The following CATSPERB variants were observed in gnomAD, a reference collection of about 807,000 sequenced individuals.
CATSPERB encodes cation channel sperm-associated auxiliary subunit beta.
A neutral mutation model predicts 128.3 loss-of-function variants in CATSPERB; 93 were observed. That is an observed-to-expected ratio of 0.72 (90% CI 0.61 to 0.86). CATSPERB has a LOEUF of 0.86. Among genes scored for constraint, CATSPERB ranks in the 40% least tolerant of loss-of-function variants. CATSPERB has a pLI of 0.00. For missense variants in CATSPERB, 1,153 were observed against 1,329.5 expected, an observed-to-expected ratio of 0.87 and a Z score of 2.06; for synonymous variants, 381 against 448.8, an observed-to-expected ratio of 0.85 and a Z score of 1.91.
intron 19 of CATSPERB, among the ~76,000 whole-genome samples, chr14:91,619,553 TAAA>T (rs766083266): frequency 0.037 from 5,527 of 149,318 alleles, 204 homozygotes; most frequent in Admixed American, 0.13. Context: ...GCCTTTTTTT[TAAA>T]AAAAAAATAG....
chr14:91,638,372 G>A (rs1894417474), intron 16 of CATSPERB, among the ~76,000 whole-genome samples: 1 of 150,150 alleles, frequency 6.7e-6, no homozygotes, highest in East Asian at 2.0e-4. Context: ...TAATAGGAAA[G>A]AAGAAAGGTA....
rs531074301 is a variant in CATSPERB at position 91,603,310 on chromosome 14, C to A, written c.2709+4984G>T. ...GTCTTCAGTGGCACTGGTTTATAAT[C>A]TGTATCAGGAAATAGTGGGGGTGGT... On this transcript the variant is annotated intron_variant, in intron 22 of 26. Transcript: ENST00000256343. 1.8e-5 allele frequency: 27 copies of A among 1,528,434 alleles called. No homozygotes were observed. In the South Asian group the frequency reaches 2.9e-4, roughly 17 times the overall value. 94.7% of individuals were successfully genotyped at this position (1,528,434 alleles called of 1,614,324 possible).
chr14:91,657,539 A>C (rs1476856139), intron 15 of CATSPERB, among the ~76,000 whole-genome samples: 3 of 152,184 alleles, frequency 2.0e-5, no homozygotes, highest in Admixed American at 6.5e-5. Context: ...CAAGTTAGAG[A>C]GCTTCTGCAC....
At chr14:91,609,874 C>A (rs1893790353) in intron 21 of CATSPERB, among the ~76,000 whole-genome samples, 1 of 152,142 alleles carries the variant, frequency 6.6e-6, no homozygotes, top group African/African-American at 2.4e-5. Context: ...GCGCGTGCCA[C>A]CGTGCCGGGC....
chr14:91,660,254 T>C (rs1894854035), intron 14 of CATSPERB, among the ~76,000 whole-genome samples: 1 of 152,228 alleles, frequency 6.6e-6, no homozygotes, highest in African/African-American at 2.4e-5. Context: ...ATAGTGATTG[T>C]ATAAAATAAC....
At chr14:91,718,156 T>C (rs1533080) in intron 5 of CATSPERB, among the ~76,000 whole-genome samples, 96,350 of 152,008 alleles carry the variant, frequency 0.63, 30,916 homozygotes, top group Non-Finnish European at 0.67. Flanking sequence ...TAACACTCCA[T>C]CATTATATTA....
chr14:91,596,240 G>A (rs1346733452), intron 22 of CATSPERB, among the ~76,000 whole-genome samples: 1 of 151,892 alleles, frequency 6.6e-6, no homozygotes, highest in Non-Finnish European at 1.5e-5. Flanking sequence ...GTCTTACTCT[G>A]TCACCCAGGC....
At chr14:91,680,391 A>T (rs1276398253) in intron 11 of CATSPERB, among the ~76,000 whole-genome samples, 2 of 152,230 alleles carry the variant, frequency 1.3e-5, no homozygotes, top group Admixed American at 1.3e-4. Flanking sequence ...AGGCACACAG[A>T]TGCCTAAACA....
chr14:91,705,526 C>G (rs1182601343), intron 6 of CATSPERB, among the ~76,000 whole-genome samples: 1 of 152,246 alleles, frequency 6.6e-6, no homozygotes. Context: ...TAAGGTCTTT[C>G]ACGTGGCAAA....
In CATSPERB at chr14:91,621,743, G is replaced by T. The variant is rs757900727; in HGVS notation, c.2125C>A (p.Arg709=). The T allele has an allele frequency of 6.2e-7, 1 of 1,613,882 alleles. No homozygotes were observed. The highest frequency in any genetic ancestry group is 8.5e-7 in the Non-Finnish European group (1 of 1,179,956). The change falls in exon 19 of 27, where the codon CGA becomes AGA. Residue 709 remains arginine, a synonymous_variant. Coordinates refer to ENST00000256343, the MANE Select transcript of CATSPERB (RefSeq NM_024764.4). ...GGTTTTGAATATATTTTCCATGTTCGTCCATTCCTTTGCCCAAAGTTGTAT... is the reference window on the plus strand; with the variant it reads ...GGTTTTGAATATATTTTCCATGTTCTTCCATTCCTTTGCCCAAAGTTGTAT... ...FLYNFGQRNG[R]TWKIYSKPCN...
intron 4 of CATSPERB, among the ~76,000 whole-genome samples, chr14:91,721,744 G>A (rs749068555): frequency 1.3e-5 from 2 of 152,008 alleles, no homozygotes; most frequent in Non-Finnish European, 2.9e-5. Flanking sequence ...CAGCTACTCT[G>A]GAGGCTGAGG....
At chr14:91,603,031 T>C (rs1893633576) in intron 22 of CATSPERB, 1 of 779,570 alleles carries the variant, frequency 1.3e-6, no homozygotes, top group Non-Finnish European at 2.4e-6. Context: ...TAGTGAGTGA[T>C]GTGCCTTTGC....
At chr14:91,714,519 A>C (rs1282147198) in intron 5 of CATSPERB, among the ~76,000 whole-genome samples, 1 of 151,594 alleles carries the variant, frequency 6.6e-6, no homozygotes, top group Admixed American at 6.6e-5. Flanking sequence ...AATATTAAAA[A>C]GTACCACTTA....
intron 5 of CATSPERB, among the ~76,000 whole-genome samples, chr14:91,718,910 T>C (rs1156364228): frequency 6.6e-6 from 1 of 152,212 alleles, no homozygotes; most frequent in African/African-American, 2.4e-5. Context: ...GTCTCATGCC[T>C]ACAGATCTAC....
At chr14:91,607,655 T>G (rs1893736598) in intron 22 of CATSPERB, among the ~76,000 whole-genome samples, 1 of 152,166 alleles carries the variant, frequency 6.6e-6, no homozygotes, top group African/African-American at 2.4e-5. Context: ...TGGAGAGTTT[T>G]GAGCTAAAGA....
In CATSPERB at chr14:91,587,183, C is replaced by T. The variant is rs768274308; in HGVS notation, c.3132+19G>A. On this transcript the variant is annotated intron_variant, in intron 26 of 26. Coordinates refer to ENST00000256343, the MANE Select transcript of CATSPERB (RefSeq NM_024764.4). Reference sequence around the variant, plus strand: ...TTCCCCAGCCATCACCCCTCTGATGCCAAGTGCATCCATTTTACCTGAAAT... The same window carrying T: ...TTCCCCAGCCATCACCCCTCTGATGTCAAGTGCATCCATTTTACCTGAAAT... 3.2e-6 allele frequency: 5 copies of T among 1,575,274 alleles called. No homozygotes were observed. Among genetic ancestry groups the T allele is most frequent in the Non-Finnish European group, 2.6e-6 (3 of 1,157,300 alleles).
intron 26 of CATSPERB, among the ~76,000 whole-genome samples, chr14:91,584,166 T>G (rs1334925271): frequency 6.6e-6 from 1 of 152,148 alleles, no homozygotes; most frequent in East Asian, 1.9e-4. Flanking sequence ...CCTCCTGGGT[T>G]CAAGCAATTC....
chr14:91,605,942 G>A (rs184739852), intron 22 of CATSPERB, among the ~76,000 whole-genome samples: 13 of 152,298 alleles, frequency 8.5e-5, no homozygotes, highest in Admixed American at 5.2e-4. Flanking sequence ...TTGAGAGGCC[G>A]AGGCGGGCGG....
At chr14:91,669,125 A>G (rs1418123164) in intron 14 of CATSPERB, among the ~76,000 whole-genome samples, 1 of 152,250 alleles carries the variant, frequency 6.6e-6, no homozygotes, top group African/African-American at 2.4e-5. Flanking sequence ...AAACTAAAAT[A>G]TGGAAGAGAG....
Sources: gnomAD v4.1 joint callset for allele counts (sites outside exome capture counted in the v4.1 genomes callset) on GRCh38, gnomAD v4.1.1 for gene constraint, MANE v1.5 for transcripts, NCBI Gene and HGNC (gene_info 2026-07-23, HGNC 2026-07-21) for gene names.